Variants in ASH1L observed in about 807,000 individuals in gnomAD.
ASH1L encodes the protein ASH1 like histone lysine methyltransferase.
Under a neutral mutation model 269.0 loss-of-function variants are expected in ASH1L, and 23 were observed. That is an observed-to-expected ratio of 0.09 (90% CI 0.06 to 0.12). The LOEUF is 0.12. Ranked by LOEUF, ASH1L falls within the 10% of genes least tolerant of loss-of-function variation. The probability of loss-of-function intolerance (pLI) is 1.00; values close to 1 mark genes in which losing one functional copy is unlikely to be tolerated. For missense variants in ASH1L, 2,912 were observed against 3,567.8 expected (o/e 0.82, Z 4.68); for synonymous variants, 1,187 against 1,253.5 (o/e 0.95, Z 1.12).
intron 7 of ASH1L, among the ~76,000 whole-genome samples, chr1:155,387,688 G>A (rs898470497): frequency 1.3e-5 from 2 of 152,084 alleles, no homozygotes; most frequent in Non-Finnish European, 2.9e-5. Flanking sequence ...TTCAATGGTA[G>A]TTTAATGGGA....
In ASH1L at chr1:155,481,792, C is replaced by G; in HGVS notation, c.1078G>C (p.Gly360Arg). Reference protein sequence around the residue: ...LVHKESGKKLGLGTVVGLVNK... With the variant: ...LVHKESGKKLRLGTVVGLVNK... ...ACCAGTCCAACCACAGTGCCAAGTC[C>G]TAACTTCTTGCCAGACTCTTTATGC... The change falls in exon 3 of 28, where the codon GGA (glycine) becomes CGA (arginine). Residue 360 changes from glycine (G) to arginine (R), a missense_variant. Transcript: ENST00000392403. 6.2e-7 allele frequency: 1 copy of G among 1,614,218 alleles called. No individual in the cohort carries two copies. The highest frequency in any genetic ancestry group is 8.5e-7 in the Non-Finnish European group (1 of 1,180,036).
chr1:155,374,597 T>TTGGTACA (rs1360945537), intron 10 of ASH1L, among the ~76,000 whole-genome samples: 1 of 152,198 alleles, frequency 6.6e-6, no homozygotes, highest in Non-Finnish European at 1.5e-5. Context: ...GCTGACTTCT[T>TTGGTACA]TGGTACATGA....
At chr1:155,383,241 AT>A (rs1180358785) in intron 7 of ASH1L, among the ~76,000 whole-genome samples, 1 of 152,192 alleles carries the variant, frequency 6.6e-6, no homozygotes, top group Admixed American at 6.5e-5. Context: ...GGAACAAAAA[AT>A]AAAAATTTAG....
At chr1:155,366,861 AG>A (rs1288134704) in intron 12 of ASH1L, among the ~76,000 whole-genome samples, 103 of 152,104 alleles carry the variant, frequency 6.8e-4, no homozygotes, top group Non-Finnish European at 1.8e-4. Context: ...AAGTAGAGAC[AG>A]GGTTTCAGTC....
rs187588852 is a variant in ASH1L at position 155,392,706 on chromosome 1, C to G, written c.6103+2753G>C. Among the ~76,000 whole-genome samples, 32 of 152,204 alleles carry G rather than the reference C, an allele frequency of 2.1e-4. 1 individual carries two copies. Among genetic ancestry groups the G allele is most frequent in the African/African-American group, 7.2e-4 (30 of 41,536 alleles). On this transcript the variant is annotated intron_variant, in intron 7 of 27. Coordinates refer to ENST00000392403, the MANE Select transcript of ASH1L (RefSeq NM_018489.3). ...GTTTCACCATGTTGGCCAGGCTGGT[C>G]TTGAACTCCTGACCTCAGGTGATCC...
chr1:155,343,267 C>T lies in ASH1L; in HGVS notation c.8293+47G>A. ...CACCGCTGGGATTATCAGCGTGAGC[C>T]ACTGCACTTGGCCGAGGTCATTTTT... On this transcript the variant is annotated intron_variant, in intron 24 of 27. Coordinates refer to ENST00000392403, the MANE Select transcript of ASH1L (RefSeq NM_018489.3). The surrounding 1 kb of genome is among the most constrained non-coding windows in gnomAD (Gnocchi z 6.1). The T allele has an allele frequency of 6.3e-7, 1 of 1,575,050 alleles. No individual in the cohort carries two copies. The highest frequency in any genetic ancestry group is 8.6e-7 in the Non-Finnish European group (1 of 1,158,102).
rs1241296769 is a variant in ASH1L, at chr1:155,341,886, A to G, written c.8460+50T>C. 8 of 1,576,754 alleles carry G rather than the reference A, an allele frequency of 5.1e-6. No individual in the cohort carries two copies. The East Asian group carries it at 9.0e-5, about 18-fold the overall frequency. On this transcript the variant is annotated intron_variant, in intron 25 of 27. Transcript: ENST00000392403. ...GATTTTCGCTCAGTGAATTTCATGC[A>G]TGAACCAGATTGTCCTAACATGTAG...
intron 4 of ASH1L, among the ~76,000 whole-genome samples, chr1:155,458,049 T>A (rs906735233): frequency 6.6e-6 from 1 of 152,206 alleles, no homozygotes; most frequent in African/African-American, 2.4e-5. Flanking sequence ...AAAACAGGCC[T>A]TGGACTGCAT....
At chr1:155,352,634 A>G in intron 17 of ASH1L, 72 bp downstream of exon 17, 6 of 1,433,790 alleles carry the variant, frequency 4.2e-6, no homozygotes, top group African/African-American at 1.5e-5. Context: ...GCAAGACCCT[A>G]TCTCTATTTA....
At chr1:155,549,945 T>C (rs1671081118) in intron 1 of ASH1L, among the ~76,000 whole-genome samples, 1 of 152,038 alleles carries the variant, frequency 6.6e-6, no homozygotes. Flanking sequence ...TTATCTCCAC[T>C]ACCTCCAAAA....
intron 3 of ASH1L, among the ~76,000 whole-genome samples, chr1:155,470,314 C>T (rs1309242520): frequency 6.6e-6 from 1 of 151,922 alleles, no homozygotes. Context: ...CAAAAATTAG[C>T]TGGGCATGGT....
chr1:155,495,270 G>A (rs1161420574), intron 2 of ASH1L, among the ~76,000 whole-genome samples: 3 of 152,284 alleles, frequency 2.0e-5, no homozygotes, highest in East Asian at 1.9e-4. Context: ...TCTAAGAAAT[G>A]TCTCTAAGAA....
intron 6 of ASH1L, among the ~76,000 whole-genome samples, chr1:155,412,591 C>A (rs1256851732): frequency 1.3e-5 from 2 of 152,102 alleles, no homozygotes; most frequent in African/African-American, 4.8e-5. Flanking sequence ...TATAACAAAC[C>A]AGTAAATGGA....
chr1:155,560,850 T>C (rs1230025974), intron 1 of ASH1L, among the ~76,000 whole-genome samples: 1 of 152,134 alleles, frequency 6.6e-6, no homozygotes, highest in Non-Finnish European at 1.5e-5. Flanking sequence ...AATATAGTCA[T>C]GGATATGCAT....
chr1:155,349,003 GGAAA>G (rs1653636951), intron 19 of ASH1L, among the ~76,000 whole-genome samples: 1 of 150,672 alleles, frequency 6.6e-6, no homozygotes, highest in Admixed American at 6.6e-5. Context: ...ATTTTCTTGA[GGAAA>G]GAAACTACAG....
intron 12 of ASH1L, among the ~76,000 whole-genome samples, 160 bp from the exon 13 acceptor site, chr1:155,360,569 G>A (rs1654859058): frequency 6.6e-6 from 1 of 152,004 alleles, no homozygotes; most frequent in East Asian, 2.0e-4. Context: ...TCAGCCTCCT[G>A]AGTAGCTGGG....
chr1:155,471,135 T>C (rs1665066812), intron 3 of ASH1L, among the ~76,000 whole-genome samples: 1 of 152,242 alleles, frequency 6.6e-6, no homozygotes. Flanking sequence ...CACATCTCCA[T>C]GTACTTATCA....
At chr1:155,558,660 A>C (rs1274015176) in intron 1 of ASH1L, among the ~76,000 whole-genome samples, 2 of 151,990 alleles carry the variant, frequency 1.3e-5, no homozygotes, top group Non-Finnish European at 2.9e-5. Flanking sequence ...CCCCTGTCTC[A>C]GCCTCCAGAG....
intron 1 of ASH1L, among the ~76,000 whole-genome samples, chr1:155,538,845 T>C (rs575566225): frequency 1.7e-4 from 26 of 152,128 alleles, no homozygotes; most frequent in Non-Finnish European, 3.2e-4. Flanking sequence ...TTTATTATAC[T>C]ACTTAAGACT....
Sources: gnomAD v4.1 joint callset for allele counts (sites outside exome capture counted in the v4.1 genomes callset) on GRCh38, gnomAD v4.1.1 for gene constraint, Gnocchi (gnomAD v3.1) non-coding constraint, MANE v1.5 for transcripts, NCBI Gene and HGNC (gene_info 2026-07-23, HGNC 2026-07-21) for gene names.